NSUN4: variants seen among roughly 807,000 people sequenced by gnomAD.
The protein encoded by NSUN4 is 5-cytosine rRNA methyltransferase NSUN4.
NSUN4 carries 31 observed loss-of-function variants against 43.8 expected under a neutral mutation model. The ratio of observed to expected loss-of-function variants is 0.71; its 90% CI spans 0.53 to 0.96. NSUN4 has a LOEUF of 0.96. Among genes scored for constraint, NSUN4 ranks in the 40% least tolerant of loss-of-function variants. NSUN4 has a pLI of 0.00. For synonymous variants in NSUN4, 167 were observed against 184.1 expected (o/e 0.91, Z 0.75); for missense variants, 439 against 475.6 (o/e 0.92, Z 0.72).
In NSUN4 at chr1:46,344,961, A is replaced by G. The variant is rs770029342; in HGVS notation, c.254A>G (p.His85Arg). The stretch of plus-strand genomic sequence containing the variant: ...GTCAATAACTTTGCTGCCTGGGATC[A>G]TGTAAGTGCTAAGCTGGAGCAGCTG... ...ALVNNFAAWD[H>R]VSAKLEQLSA... Residue 85 changes from histidine to arginine, a missense_variant, in exon 2 of 6, where the codon CAT becomes CGT. Physicochemically the swap from His to Arg is conservative, Grantham distance 29. Coordinates refer to ENST00000474844, the MANE Select transcript of NSUN4 (RefSeq NM_199044.4). 2.5e-6 allele frequency: 4 copies of G among 1,614,222 alleles called. No homozygotes were observed. In the East Asian group the frequency reaches 8.9e-5, roughly 36 times the overall value.
chr1:46,382,066 CCATT>C, the NSUN4 span, among the ~76,000 whole-genome samples: 1 of 152,216 alleles, frequency 6.6e-6, no homozygotes, highest in Admixed American at 6.5e-5. Context: ...GCCTTTCACT[CCATT>C]CATAATCATT....
downstream of NSUN4, among the ~76,000 whole-genome samples, chr1:46,370,109 A>T (rs1206466426): frequency 6.6e-6 from 1 of 152,150 alleles, no homozygotes; most frequent in Non-Finnish European, 1.5e-5. Flanking sequence ...GGTGACTGGG[A>T]TGGAGAGGAA....
the NSUN4 span, among the ~76,000 whole-genome samples, chr1:46,383,835 G>C: frequency 6.6e-6 from 1 of 151,934 alleles, no homozygotes; most frequent in East Asian, 1.9e-4. Flanking sequence ...TTTCTTCTCA[G>C]CAAGGCAATT....
intron 1 of NSUN4, chr1:46,341,648 AC>A: frequency 8.3e-7 from 1 of 1,211,996 alleles, no homozygotes; most frequent in Non-Finnish European, 1.0e-6. Context: ...CATCTCTTCC[AC>A]CCCCACAACC....
downstream of NSUN4, among the ~76,000 whole-genome samples, chr1:46,368,922 C>G (rs766519800): frequency 5.3e-5 from 8 of 152,150 alleles, no homozygotes; most frequent in Non-Finnish European, 1.2e-4. Context: ...CCATTGCCAG[C>G]AGGATCAAGT....
Position 46,344,787 on chromosome 1 carries a change from C to T in NSUN4, c.94-14C>T. On this transcript the variant is annotated splice_polypyrimidine_tract_variant and intron_variant, in intron 1 of 5. Coordinates refer to ENST00000474844, the MANE Select transcript of NSUN4 (RefSeq NM_199044.4). ...AGACTGGGAAAACCAATAAGCCTGT[C>T]CTCTCTCTTTTAGGCTGCCACAGAG... 2.5e-6 allele frequency: 4 copies of T among 1,606,996 alleles called. No individual in the cohort carries two copies. Among genetic ancestry groups the T allele is most frequent in the Non-Finnish European group, 3.4e-6 (4 of 1,175,250 alleles).
chr1:46,348,731 A>T (rs1366404926), intron 3 of NSUN4, among the ~76,000 whole-genome samples: 5 of 143,240 alleles, frequency 3.5e-5, no homozygotes, highest in Non-Finnish European at 7.8e-5. Context: ...AAAAAAAAAA[A>T]AAAAAGTGGA....
chr1:46,380,428 C>G, the NSUN4 span, among the ~76,000 whole-genome samples: 1 of 152,170 alleles, frequency 6.6e-6, no homozygotes, highest in Non-Finnish European at 1.5e-5. Flanking sequence ...GAAACCCACC[C>G]CCATTGGATC....
chr1:46,377,239 G>T, the NSUN4 span, among the ~76,000 whole-genome samples: 3 of 151,920 alleles, frequency 2.0e-5, no homozygotes, highest in Admixed American at 2.0e-4. Flanking sequence ...TAGTAGAGAC[G>T]GGGTTTCACC....
chr1:46,360,464 T>C (rs898947686), intron 4 of NSUN4, among the ~76,000 whole-genome samples: 17 of 151,156 alleles, frequency 1.1e-4, no homozygotes, highest in Non-Finnish European at 2.2e-4. Flanking sequence ...TTATAGTTAC[T>C]TGTGTGTTAG....
At chr1:46,353,693 G>C (rs1268890159) in intron 4 of NSUN4, among the ~76,000 whole-genome samples, 1 of 152,052 alleles carries the variant, frequency 6.6e-6, no homozygotes, top group Admixed American at 6.6e-5. Context: ...TGGCCAGGCT[G>C]GTCTTGACCT....
At chr1:46,360,091 T>C (rs1172916973) in intron 4 of NSUN4, among the ~76,000 whole-genome samples, 1 of 149,898 alleles carries the variant, frequency 6.7e-6, no homozygotes, top group Non-Finnish European at 1.5e-5. Context: ...TAGCCGGGCA[T>C]GGTGGCAGGC....
At chr1:46,341,952 C>T (rs1662142323) in intron 1 of NSUN4, 1 of 1,233,040 alleles carries the variant, frequency 8.1e-7, no homozygotes, top group African/African-American at 1.6e-5. Flanking sequence ...CTCCTTTCCC[C>T]TTGCTCATCA....
At chr1:46,342,724 C>G (rs927682753) in intron 1 of NSUN4, 1 of 398,908 alleles carries the variant, frequency 2.5e-6, no homozygotes, top group African/African-American at 2.1e-5. Flanking sequence ...TATAATGAAC[C>G]CCCTCTTCCC....
downstream of NSUN4, chr1:46,365,263 T>G (rs1188164127): frequency 6.6e-6 from 1 of 152,216 alleles, no homozygotes; most frequent in East Asian, 1.9e-4. Flanking sequence ...ACATTTGAGT[T>G]GCTTCCAGTT....
At position 46,361,699 on chromosome 1, in the gene NSUN4, A is replaced by AC. The variant is rs1479553686; in HGVS notation, c.1009dup (p.Gln337ProfsTer46). On this transcript the variant is annotated frameshift_variant, in exon 6 of 6. Coordinates refer to ENST00000474844, the MANE Select transcript of NSUN4 (RefSeq NM_199044.4). LOFTEE classifies it high-confidence loss of function. The stretch of plus-strand genomic sequence containing the variant: ...TGGCCAATCAATACAGCATCCAGGT[A>AC]CAGGTGGAAGATCTGACTCACTTCC... 1 of 1,614,242 alleles carries AC rather than the reference A, an allele frequency of 6.2e-7. No homozygotes were observed. Among genetic ancestry groups the AC allele is most frequent in the East Asian group, 2.2e-5 (1 of 44,888 alleles).
rs571009807 is a variant in NSUN4 at position 46,360,093 on chromosome 1, G to A, written c.754-611G>A. On this transcript the variant is annotated intron_variant, in intron 4 of 5. Coordinates refer to ENST00000474844, the MANE Select transcript of NSUN4 (RefSeq NM_199044.4). ...AAATACAAAAAATTAGCCGGGCATG[G>A]TGGCAGGCGCCTGTAGTCCCAGCTA... 5.1e-4 allele frequency among the ~76,000 whole-genome samples: 77 copies of A among 150,308 alleles called. 1 individual carries two copies. The East Asian group carries it at 0.013, about 25-fold the overall frequency.
intron 1 of NSUN4, chr1:46,341,934 C>T: frequency 1.6e-6 from 2 of 1,232,936 alleles, no homozygotes; most frequent in African/African-American, 1.6e-5. Flanking sequence ...TGGAACCAGC[C>T]CGGCAACCTC....
At chr1:46,373,519 G>A in the NSUN4 span, among the ~76,000 whole-genome samples, 11,600 of 152,270 alleles carry the variant, frequency 0.076, 551 homozygotes, top group South Asian at 0.15. Flanking sequence ...GGTGGGGATT[G>A]TCTGCAGAGT....
Sources: allele counts gnomAD v4.1 joint callset (sites outside exome capture counted in the v4.1 genomes callset), GRCh38; gene constraint gnomAD v4.1.1; transcripts MANE v1.5; gene names NCBI Gene and HGNC (gene_info 2026-07-23, HGNC 2026-07-21).